The following FAM120A variants were observed in gnomAD, a reference collection of about 807,000 sequenced individuals.
FAM120A encodes the protein family with sequence similarity 120 member A.
FAM120A carries 15 observed loss-of-function variants against 109.7 expected under a neutral mutation model. The ratio of observed to expected loss-of-function variants is 0.14; its 90% CI spans 0.09 to 0.21. The LOEUF is 0.21. Ranked by LOEUF, FAM120A falls within the 10% of genes least tolerant of loss-of-function variation. The pLI, the probability that FAM120A is intolerant of heterozygous loss-of-function variation, is 1.00. For synonymous variants in FAM120A, 493 were observed against 572.8 expected (o/e 0.86, Z 1.99); for missense variants, 899 against 1,439.3 (o/e 0.62, Z 6.07).
At chr9:93,473,466 C>T (rs951356824) in intron 2 of FAM120A, among the ~76,000 whole-genome samples, 7 of 151,838 alleles carry the variant, frequency 4.6e-5, no homozygotes, top group Admixed American at 1.3e-4. Flanking sequence ...CCACCACATC[C>T]GGCTAAAGTT....
In FAM120A at chr9:93,539,062, A is replaced by G. The variant is rs1056672382; in HGVS notation, c.1910-4160A>G. Among the ~76,000 whole-genome samples the G allele has an allele frequency of 1.8e-4, 27 of 150,592 alleles. No homozygotes were observed. In the East Asian group the frequency reaches 4.8e-3, roughly 27 times the overall value. ...GCCCAGGCTGGAGTGGAGTGGCGCA[A>G]TCTCGGCTCACTGCAAGCTCCGCCT... On this transcript the variant is annotated intron_variant, in intron 10 of 17. Coordinates refer to ENST00000277165, the MANE Select transcript of FAM120A (RefSeq NM_014612.5).
chr9:93,526,233 C>A (rs1427424962), intron 7 of FAM120A, among the ~76,000 whole-genome samples: 1 of 152,160 alleles, frequency 6.6e-6, no homozygotes, highest in African/African-American at 2.4e-5. Context: ...TCCTGCTGGC[C>A]CTGCTCAAGC....
At chr9:93,561,360 C>T in intron 16 of FAM120A, 110 bp downstream of exon 16, 25 of 934,622 alleles carry the variant, frequency 2.7e-5, no homozygotes, top group Non-Finnish European at 3.5e-5. Context: ...TAGATACATT[C>T]TTCTTTAATA....
At chr9:93,493,856 T>A (rs1292892156) in intron 3 of FAM120A, among the ~76,000 whole-genome samples, 1 of 152,122 alleles carries the variant, frequency 6.6e-6, no homozygotes, top group Admixed American at 6.5e-5. Context: ...TCCGTAGTGG[T>A]GGTCATTTTC....
intron 11 of FAM120A, 62 bp downstream of exon 11, chr9:93,543,533 G>A: frequency 3.9e-6 from 6 of 1,558,330 alleles, no homozygotes; most frequent in Non-Finnish European, 5.2e-6. Flanking sequence ...CCATGACCAT[G>A]GTGTCAGATG....
chr9:93,471,671 A>G (rs1055764511), intron 2 of FAM120A, among the ~76,000 whole-genome samples: 4 of 152,248 alleles, frequency 2.6e-5, no homozygotes, highest in Non-Finnish European at 4.4e-5. Context: ...CTAACATTCT[A>G]AATCACAGAT....
At chr9:93,483,548 A>G (rs927823518) in intron 3 of FAM120A, among the ~76,000 whole-genome samples, 5 of 152,082 alleles carry the variant, frequency 3.3e-5, no homozygotes, top group Non-Finnish European at 7.4e-5. Flanking sequence ...ATTCATTTTT[A>G]TTATAAAAAT....
chr9:93,544,329 C>T (rs955678432), intron 11 of FAM120A, among the ~76,000 whole-genome samples: 3 of 152,170 alleles, frequency 2.0e-5, no homozygotes, highest in Admixed American at 6.5e-5. Flanking sequence ...AAGAGCAGCC[C>T]TTGTTCCTTG....
intron 7 of FAM120A, among the ~76,000 whole-genome samples, chr9:93,525,215 A>G (rs1007703458): frequency 6.6e-5 from 10 of 152,212 alleles, no homozygotes; most frequent in Non-Finnish European, 1.5e-5. Context: ...TTGATAATCT[A>G]CATAGAACAA....
At chr9:93,528,645 T>C (rs932822706) in intron 8 of FAM120A, among the ~76,000 whole-genome samples, 1 of 152,206 alleles carries the variant, frequency 6.6e-6, no homozygotes, top group Non-Finnish European at 1.5e-5. Flanking sequence ...CACCAAACAG[T>C]GTATCATGGA....
intron 7 of FAM120A, among the ~76,000 whole-genome samples, chr9:93,520,593 G>A (rs1035266229): frequency 6.6e-6 from 1 of 152,268 alleles, no homozygotes; most frequent in Non-Finnish European, 1.5e-5. Context: ...GCTGAATGTT[G>A]TCATGACTTG....
chr9:93,539,274 G>A (rs1861619411), intron 10 of FAM120A, among the ~76,000 whole-genome samples: 1 of 152,060 alleles, frequency 6.6e-6, no homozygotes, highest in Admixed American at 6.5e-5. Flanking sequence ...TGGGATTACA[G>A]GCGTGAGCCA....
chr9:93,535,300 T>A (rs747797860), intron 10 of FAM120A, among the ~76,000 whole-genome samples: 2 of 152,166 alleles, frequency 1.3e-5, no homozygotes, highest in Non-Finnish European at 2.9e-5. Flanking sequence ...TGATATTCTG[T>A]AGAGATGGGG....
intron 5 of FAM120A, among the ~76,000 whole-genome samples, chr9:93,510,202 G>A (rs1180718189): frequency 6.6e-6 from 1 of 152,192 alleles, no homozygotes; most frequent in Non-Finnish European, 1.5e-5. Flanking sequence ...TCTGCTCTGC[G>A]ACCTTTCGCT....
intron 3 of FAM120A, among the ~76,000 whole-genome samples, chr9:93,478,140 A>G (rs891627033): frequency 3.3e-5 from 5 of 151,854 alleles, no homozygotes; most frequent in African/African-American, 1.2e-4. Flanking sequence ...TATTACTCCT[A>G]TGACATCAAC....
chr9:93,475,184 A>G (rs970071577), intron 2 of FAM120A, among the ~76,000 whole-genome samples: 5 of 152,234 alleles, frequency 3.3e-5, no homozygotes, highest in Admixed American at 1.3e-4. Flanking sequence ...CCTTATACAC[A>G]TAGTTTAAAG....
intron 3 of FAM120A, among the ~76,000 whole-genome samples, chr9:93,492,077 C>A (rs188072366): frequency 1.3e-5 from 2 of 152,054 alleles, no homozygotes; most frequent in East Asian, 1.9e-4. Context: ...GCTGATGATG[C>A]CTTTCATGGA....
At chr9:93,478,045 T>A (rs1858622378) in intron 3 of FAM120A, among the ~76,000 whole-genome samples, 1 of 152,242 alleles carries the variant, frequency 6.6e-6, no homozygotes. Flanking sequence ...GATATGACAC[T>A]TTACCCATGA....
At position 93,543,222 on chromosome 9, in the gene FAM120A, T is replaced by A. The variant is rs1393492843; in HGVS notation, c.1910T>A (p.Phe637Tyr). The A allele has an allele frequency of 2.5e-6, 4 of 1,613,074 alleles. No homozygotes were observed. Among genetic ancestry groups the A allele is most frequent in the Non-Finnish European group, 8.5e-7 (1 of 1,179,228 alleles). The change falls in exon 11 of 18, where the codon TTT (phenylalanine) becomes TAT (tyrosine). Residue 637 changes from phenylalanine (F) to tyrosine (Y), a missense_variant and splice_region_variant. By Grantham distance (22) the Phe-to-Tyr change is conservative. Around this residue, in one of 11 missense-constraint regions of FAM120A, gnomAD observed 133 missense variants for 276.6 expected, o/e 0.48. Coordinates refer to ENST00000277165, the MANE Select transcript of FAM120A (RefSeq NM_014612.5). Reference sequence around the variant, plus strand: ...CTTCTCTGGCTTTTTTTTCCTGTAGTTTCACCAGTGATCATTAAAGAATGG... The same window carrying A: ...CTTCTCTGGCTTTTTTTTCCTGTAGATTCACCAGTGATCATTAAAGAATGG... ...AFRKNRLPPE[F>Y]SPVIIKEWAA...
Sources: gnomAD v4.1 joint callset for allele counts (sites outside exome capture counted in the v4.1 genomes callset) on GRCh38, gnomAD v4.1.1 for gene constraint, gnomAD v4.1.1 regional missense constraint, MANE v1.5 for transcripts, NCBI Gene and HGNC (gene_info 2026-07-23, HGNC 2026-07-21) for gene names.